The following POLDIP3 variants were observed in gnomAD, a reference collection of about 807,000 sequenced individuals.
The protein encoded by POLDIP3 is DNA polymerase delta interacting protein 3.
A neutral mutation model predicts 45.1 loss-of-function variants in POLDIP3; 14 were observed. The ratio of observed to expected loss-of-function variants is 0.31; its 90% CI spans 0.20 to 0.49. The LOEUF (loss-of-function observed/expected upper bound fraction) is 0.49. POLDIP3 is among the 20% of genes least tolerant of loss of function. POLDIP3 has a pLI of 0.99. For synonymous variants in POLDIP3, 223 were observed against 205.2 expected, an observed-to-expected ratio of 1.09 and a Z score of -0.74; for missense variants, 511 against 538.8, an observed-to-expected ratio of 0.95 and a Z score of 0.51.
chr22:42,594,813 CTCACTTCTT>C (rs1212352572), intron 6 of POLDIP3, among the ~76,000 whole-genome samples: 1 of 152,224 alleles, frequency 6.6e-6, no homozygotes, highest in East Asian at 1.9e-4. Context: ...ACCAATCCAT[CTCACTTCTT>C]TCACTTTGGA....
chr22:42,613,270 C>G (rs939617733), intron 1 of POLDIP3, among the ~76,000 whole-genome samples: 3 of 152,180 alleles, frequency 2.0e-5, no homozygotes, highest in Non-Finnish European at 4.4e-5. Flanking sequence ...AGAGCTTTCA[C>G]AGTCAGTAGT....
chr22:42,612,905 T>C (rs1927212874), intron 1 of POLDIP3, among the ~76,000 whole-genome samples: 3 of 152,316 alleles, frequency 2.0e-5, no homozygotes, highest in African/African-American at 7.2e-5. Context: ...GGAAACTGCC[T>C]AGTTCAGAAC....
intron 2 of POLDIP3, 36 bp from the exon 3 acceptor site, chr22:42,602,092 G>A: frequency 6.2e-7 from 1 of 1,613,644 alleles, no homozygotes; most frequent in South Asian, 1.1e-5. Flanking sequence ...CACCCCACAG[G>A]GTCCACATGC....
chr22:42,601,132 A>C (rs2146821169), intron 3 of POLDIP3, among the ~76,000 whole-genome samples: 1 of 152,218 alleles, frequency 6.6e-6, no homozygotes, highest in African/African-American at 2.4e-5. Flanking sequence ...ACTATGGCAA[A>C]ATTTCAACAG....
intron 4 of POLDIP3, 51 bp from the exon 5 acceptor site, chr22:42,596,416 G>A (rs1409261237): frequency 6.4e-7 from 1 of 1,553,786 alleles, no homozygotes; most frequent in African/African-American, 1.4e-5. Context: ...GCAATGTTCT[G>A]AAGAAGCCCC....
At chr22:42,593,195 A>G (rs1225290156) in intron 6 of POLDIP3, among the ~76,000 whole-genome samples, 5 of 152,234 alleles carry the variant, frequency 3.3e-5, no homozygotes, top group African/African-American at 4.8e-5. Context: ...AATTTGTATT[A>G]TTTCTCATCA....
At chr22:42,606,111 C>T (rs1926708071) in intron 1 of POLDIP3, among the ~76,000 whole-genome samples, 1 of 152,120 alleles carries the variant, frequency 6.6e-6, no homozygotes, top group African/African-American at 2.4e-5. Flanking sequence ...CACTGCACTC[C>T]AGCCTGGGCG....
chr22:42,612,086 T>C (rs1359897308), intron 1 of POLDIP3, among the ~76,000 whole-genome samples: 1 of 152,180 alleles, frequency 6.6e-6, no homozygotes, highest in Non-Finnish European at 1.5e-5. Flanking sequence ...CTAGTCTCTC[T>C]GCCTGCACTC....
At chr22:42,586,179 C>G (rs1925299125) in intron 8 of POLDIP3, among the ~76,000 whole-genome samples, 1 of 152,174 alleles carries the variant, frequency 6.6e-6, no homozygotes, top group African/African-American at 2.4e-5. Flanking sequence ...CCACAGCCTC[C>G]TAAGGAGCTA....
intron 1 of POLDIP3, among the ~76,000 whole-genome samples, chr22:42,605,126 AGTTTT>A (rs201420055): frequency 6.6e-6 from 1 of 152,002 alleles, no homozygotes; most frequent in Non-Finnish European, 1.5e-5. Context: ...TCTTTTCTTC[AGTTTT>A]GTTTTGTTTT....
chr22:42,597,121 C>G (rs997135870), intron 4 of POLDIP3, among the ~76,000 whole-genome samples: 2 of 152,136 alleles, frequency 1.3e-5, no homozygotes, highest in African/African-American at 4.8e-5. Context: ...CAGGGACACT[C>G]GGGCATTTGG....
intron 1 of POLDIP3, among the ~76,000 whole-genome samples, chr22:42,612,566 T>C (rs1053919451): frequency 6.6e-6 from 1 of 152,210 alleles, no homozygotes; most frequent in Non-Finnish European, 1.5e-5. Flanking sequence ...CAGTGTCTCA[T>C]GCTTGTAATC....
Position 42,585,782 on chromosome 22 carries a change from C to T in POLDIP3, c.*9G>A, listed in dbSNP as rs773575759. ...TCTGCCCCCACTTCTGGCTGCCTCA[C>T]TCCCCTGCTCAAAGCTTGATTTTGA... is the stretch of plus-strand genomic sequence containing the variant. On this transcript the variant is annotated 3_prime_UTR_variant, in exon 9 of 9. Transcript: ENST00000252115. 1 of 1,608,804 alleles carries T rather than the reference C, an allele frequency of 6.2e-7. No homozygotes were observed. The highest frequency in any genetic ancestry group is 8.5e-7 in the Non-Finnish European group (1 of 1,177,972).
rs1436236501 is a variant in POLDIP3, at chr22:42,587,550, A to G, written c.1044T>C (p.Leu348=). The change falls in exon 8 of 9, where the codon CTT becomes CTC. Residue 348 remains leucine, a synonymous_variant. Transcript: ENST00000252115. ...AGGTGATAACATTCCCATTCATGTG[A>G]AGGTTGCACTTCATCGGCTGCCCTG... is the stretch of plus-strand genomic sequence containing the variant. ...CLDGQPMKCN[L]HMNGNVITSD... The G allele has an allele frequency of 2.5e-6, 4 of 1,614,036 alleles. No homozygotes were observed. The highest frequency in any genetic ancestry group is 3.4e-6 in the Non-Finnish European group (4 of 1,180,014).
At chr22:42,614,677 G>A (rs1927365364) in intron 1 of POLDIP3, 122 bp downstream of exon 1, 3 of 1,088,476 alleles carry the variant, frequency 2.8e-6, no homozygotes, top group African/African-American at 1.7e-5. Context: ...AATGAGGAGC[G>A]CGGCTGTGGT....
chr22:42,599,707 G>A lies in POLDIP3; in HGVS notation c.624C>T (p.Leu208=), dbSNP rs767599015. The stretch of plus-strand genomic sequence containing the variant: ...ACATGAAATGCCATACCATGTGGTG[G>A]AGAAAGCCGCCTGAGGCTGCAAACT... ...QMKFAASGGF[L]HHMAGLSSSK... Residue 208 remains leucine, a synonymous_variant, in exon 4 of 9, where the codon CTC becomes CTT. Coordinates refer to ENST00000252115, the MANE Select transcript of POLDIP3 (RefSeq NM_032311.5). 125 of 1,606,076 alleles carry A rather than the reference G, an allele frequency of 7.8e-5. No individual in the cohort carries two copies. The highest frequency in any genetic ancestry group is 1.0e-4 in the Non-Finnish European group (119 of 1,173,006).
intron 1 of POLDIP3, among the ~76,000 whole-genome samples, chr22:42,614,489 C>A (rs1170150255): frequency 6.6e-6 from 1 of 152,190 alleles, no homozygotes; most frequent in Non-Finnish European, 1.5e-5. Flanking sequence ...AAGGAGGCTG[C>A]GCCGCCGAGA....
At chr22:42,609,403 C>T (rs1055187653) in intron 1 of POLDIP3, among the ~76,000 whole-genome samples, 4 of 152,200 alleles carry the variant, frequency 2.6e-5, no homozygotes, top group Admixed American at 6.5e-5. Context: ...AGAAGGCAAA[C>T]GTTCCCTGGA....
intron 1 of POLDIP3, among the ~76,000 whole-genome samples, chr22:42,611,978 T>C (rs2146840139): frequency 6.6e-6 from 1 of 152,368 alleles, no homozygotes; most frequent in South Asian, 2.1e-4. Context: ...CAGGGACCAC[T>C]GGATCTAGTT....
Sources: allele counts gnomAD v4.1 joint callset (sites outside exome capture counted in the v4.1 genomes callset), GRCh38; gene constraint gnomAD v4.1.1; transcripts MANE v1.5; gene names NCBI Gene and HGNC (gene_info 2026-07-23, HGNC 2026-07-21).